The following ERC2 variants were observed in gnomAD, a reference collection of about 807,000 sequenced individuals.
ERC2 encodes ERC protein 2.
A neutral mutation model predicts 114.8 loss-of-function variants in ERC2; 42 were observed. The observed-to-expected ratio is 0.37, with a 90% CI of 0.29 to 0.47. ERC2 has a LOEUF of 0.47. Ranked by LOEUF, ERC2 falls within the 20% of genes least tolerant of loss-of-function variation. The pLI is 0.99. For missense variants in ERC2, 939 were observed against 1,150.7 expected (o/e 0.82, Z 2.66); for synonymous variants, 454 against 425.5 (o/e 1.07, Z -0.82).
intron 2 of ERC2, among the ~76,000 whole-genome samples, chr3:56,344,897 C>T (rs958292397): frequency 4.6e-5 from 7 of 152,348 alleles, no homozygotes; most frequent in African/African-American, 1.7e-4. Flanking sequence ...ATATACAACA[C>T]ATCCTCGTTG....
At chr3:55,991,933 C>T (rs944559094) in intron 11 of ERC2, 124 bp downstream of exon 11, 13 of 825,522 alleles carry the variant, frequency 1.6e-5, no homozygotes, top group Non-Finnish European at 2.5e-5. Context: ...CCATATTCCT[C>T]ATTTATGACT....
rs1017522844 is a variant in ERC2 at position 55,889,698 on chromosome 3, C to T, written c.2404-1149G>A. Among the ~76,000 whole-genome samples the T allele has an allele frequency of 2.6e-5, 4 of 152,152 alleles. No homozygotes were observed. The East Asian group carries it at 5.8e-4, about 22-fold the overall frequency. ...TCCCTGCTGATCCAAAATCATGATT[C>T]CAGGAAGTTTCTAGATTCCAGAGCT... On this transcript the variant is annotated intron_variant, in intron 13 of 17. Transcript: ENST00000288221.
chr3:55,741,574 C>T (rs1301973119), intron 14 of ERC2, among the ~76,000 whole-genome samples: 1 of 152,122 alleles, frequency 6.6e-6, no homozygotes, highest in Admixed American at 6.6e-5. Flanking sequence ...CATGTTCAAT[C>T]TATCCCTTTT....
At chr3:56,222,739 A>G (rs1347408317) in intron 3 of ERC2, among the ~76,000 whole-genome samples, 1 of 152,228 alleles carries the variant, frequency 6.6e-6, no homozygotes, top group Non-Finnish European at 1.5e-5. Flanking sequence ...ATGAATGATA[A>G]ACAAATGCTA....
At chr3:55,581,523 G>A (rs113893588) in intron 17 of ERC2, among the ~76,000 whole-genome samples, 1 of 152,072 alleles carries the variant, frequency 6.6e-6, no homozygotes, top group Admixed American at 6.5e-5. Context: ...TTATGGAGAG[G>A]GAATTCACCA....
intron 2 of ERC2, among the ~76,000 whole-genome samples, chr3:56,342,735 C>G (rs1263705511): frequency 6.6e-6 from 1 of 152,152 alleles, no homozygotes; most frequent in South Asian, 2.1e-4. Context: ...TATTCTAGAC[C>G]TCACCCTTTT....
intron 14 of ERC2, among the ~76,000 whole-genome samples, chr3:55,780,236 C>T (rs1024875459): frequency 6.6e-6 from 1 of 152,040 alleles, no homozygotes; most frequent in Non-Finnish European, 1.5e-5. Context: ...GAGAAGCTTA[C>T]CTGGGATTAT....
chr3:56,371,240 G>C (rs191956798), intron 2 of ERC2, among the ~76,000 whole-genome samples: 28 of 152,312 alleles, frequency 1.8e-4, no homozygotes, highest in Admixed American at 7.2e-4. Flanking sequence ...GCAACCAGCA[G>C]CAAGAGCCAG....
chr3:56,304,049 G>C (rs1393024859), intron 2 of ERC2, among the ~76,000 whole-genome samples: 3 of 152,094 alleles, frequency 2.0e-5, no homozygotes, highest in African/African-American at 7.2e-5. Flanking sequence ...CAGAAATATA[G>C]AATTGAAGAA....
intron 17 of ERC2, among the ~76,000 whole-genome samples, chr3:55,671,985 A>C (rs1367778385): frequency 6.6e-6 from 1 of 152,198 alleles, no homozygotes; most frequent in Non-Finnish European, 1.5e-5. Context: ...GGAGAAACCT[A>C]TTAATGCTGT....
At chr3:55,722,236 TAA>T (rs10707685) in intron 15 of ERC2, among the ~76,000 whole-genome samples, 7 of 151,678 alleles carry the variant, frequency 4.6e-5, no homozygotes, top group Admixed American at 6.6e-5. Flanking sequence ...GTATGCATAT[TAA>T]AAAAAAATAA....
chr3:55,742,327 G>A (rs1400018367), intron 14 of ERC2, among the ~76,000 whole-genome samples: 5 of 152,162 alleles, frequency 3.3e-5, no homozygotes, highest in Non-Finnish European at 7.4e-5. Flanking sequence ...TATTAATGAT[G>A]ATTTGAGCTC....
rs546512027 is a variant in ERC2, at chr3:56,327,104, G to A, written c.658-30669C>T. 7.9e-5 allele frequency among the ~76,000 whole-genome samples: 12 copies of A among 152,296 alleles called. No individual in the cohort carries two copies. The South Asian group carries it at 2.5e-3, about 32-fold the overall frequency. On this transcript the variant is annotated intron_variant, in intron 2 of 17. Coordinates refer to ENST00000288221, the MANE Select transcript of ERC2 (RefSeq NM_015576.3). ...TGGTCCCAGCCAAAATATCCCCTTT[G>A]AAGACCAATGTGTATTAGTCCATTT...
At chr3:55,973,622 T>C (rs1487218445) in intron 12 of ERC2, among the ~76,000 whole-genome samples, 1 of 152,222 alleles carries the variant, frequency 6.6e-6, no homozygotes, top group Non-Finnish European at 1.5e-5. Flanking sequence ...ATAACCTCAC[T>C]AACCTCAGTT....
chr3:55,994,108 A>G (rs1197073514), intron 10 of ERC2, among the ~76,000 whole-genome samples: 2 of 152,304 alleles, frequency 1.3e-5, no homozygotes, highest in South Asian at 2.1e-4. Context: ...TTTCATTTTC[A>G]TACTGTATTA....
chr3:56,419,782 A>G (rs375005742), intron 2 of ERC2, among the ~76,000 whole-genome samples: 7 of 152,240 alleles, frequency 4.6e-5, no homozygotes, highest in African/African-American at 1.7e-4. Context: ...AGGGATGAGG[A>G]AGTGAAATTT....
intron 13 of ERC2, among the ~76,000 whole-genome samples, chr3:55,943,814 C>G (rs543501183): frequency 1.3e-5 from 2 of 152,140 alleles, no homozygotes; most frequent in Non-Finnish European, 2.9e-5. Flanking sequence ...ATAGTCCAAG[C>G]TTCACCTCAA....
Position 55,876,413 on chromosome 3 carries a change from C to T in ERC2, c.2564+11976G>A, listed in dbSNP as rs565627531. On this transcript the variant is annotated intron_variant, in intron 14 of 17. Coordinates refer to ENST00000288221, the MANE Select transcript of ERC2 (RefSeq NM_015576.3). ...TTCCCTTGGATGCCCACAGGCCCTGCGCTGTGTTCTCACTTCACCAGTGTT... is the reference window on the plus strand; with the variant it reads ...TTCCCTTGGATGCCCACAGGCCCTGTGCTGTGTTCTCACTTCACCAGTGTT... Among the ~76,000 whole-genome samples, 9 of 152,306 alleles carry T rather than the reference C, an allele frequency of 5.9e-5. No homozygotes were observed. The East Asian group carries it at 1.2e-3, about 20-fold the overall frequency.
At chr3:56,197,999 C>T (rs1179340874) in intron 3 of ERC2, among the ~76,000 whole-genome samples, 1 of 152,142 alleles carries the variant, frequency 6.6e-6, no homozygotes, top group Non-Finnish European at 1.5e-5. Flanking sequence ...TATAATCATA[C>T]ATTGTAGGAA....
Sources: allele counts gnomAD v4.1 joint callset (sites outside exome capture counted in the v4.1 genomes callset), GRCh38; gene constraint gnomAD v4.1.1; transcripts MANE v1.5; gene names NCBI Gene and HGNC (gene_info 2026-07-23, HGNC 2026-07-21).